The following LOC400499 variants were observed in gnomAD, a reference collection of about 807,000 sequenced individuals.
the LOC400499 span, among the ~76,000 whole-genome samples, chr16:11,479,581 C>G: frequency 6.6e-6 from 1 of 152,056 alleles, no homozygotes; most frequent in African/African-American, 2.4e-5. Context: ...TATGATCATG[C>G]CACTATACTC....
chr16:11,388,991 G>A, the LOC400499 span, among the ~76,000 whole-genome samples: 71 of 152,316 alleles, frequency 4.7e-4, no homozygotes, highest in Non-Finnish European at 7.4e-5. Context: ...AGAGGCTAAG[G>A]CAGGAGAATC....
chr16:11,459,939 A>G, the LOC400499 span: 1 of 1,501,934 alleles, frequency 6.7e-7, no homozygotes, highest in Non-Finnish European at 8.9e-7. Flanking sequence ...GTCATTCTTG[A>G]AGGTCTGGCT....
chr16:11,387,086 C>A, the LOC400499 span: 2 of 1,231,978 alleles, frequency 1.6e-6, no homozygotes, highest in Admixed American at 4.2e-5. Context: ...GGGAGGAGGG[C>A]GGCACAGCCC....
At chr16:11,404,172 A>C in the LOC400499 span, among the ~76,000 whole-genome samples, 3 of 152,122 alleles carry the variant, frequency 2.0e-5, no homozygotes, top group Non-Finnish European at 4.4e-5. Context: ...CCCACACCCC[A>C]CAAAGACCCT....
chr16:11,393,358 A>G, the LOC400499 span: 2 of 1,231,560 alleles, frequency 1.6e-6, no homozygotes, highest in East Asian at 3.2e-5. Flanking sequence ...GCCGTGGCCC[A>G]GCTAGCTGAG....
At chr16:11,448,030 G>A in the LOC400499 span, 1 of 1,535,982 alleles carries the variant, frequency 6.5e-7, no homozygotes, top group Non-Finnish European at 8.7e-7. Context: ...CTGGCCCTGG[G>A]CACCAATCCG....
the LOC400499 span, among the ~76,000 whole-genome samples, chr16:11,515,646 G>A: frequency 6.7e-6 from 1 of 149,026 alleles, no homozygotes; most frequent in African/African-American, 2.5e-5. Flanking sequence ...GAAGAGAGGA[G>A]GTAAAGGAAG....
the LOC400499 span, among the ~76,000 whole-genome samples, chr16:11,485,442 G>C: frequency 6.6e-6 from 1 of 152,148 alleles, no homozygotes; most frequent in Admixed American, 6.5e-5. Flanking sequence ...ATGAGGGCAA[G>C]GGCTCGTGTA....
the LOC400499 span, chr16:11,472,383 G>C: frequency 2.0e-5 from 3 of 151,894 alleles, no homozygotes; most frequent in Non-Finnish European, 4.4e-5. Context: ...AGTAAAGATG[G>C]GGTTTTACCA....
At chr16:11,505,107 T>C in the LOC400499 span, among the ~76,000 whole-genome samples, 7 of 151,294 alleles carry the variant, frequency 4.6e-5, no homozygotes, top group African/African-American at 1.5e-4. Flanking sequence ...CACCAGCTCC[T>C]GAACCCACAC....
chr16:11,398,465 C>T, the LOC400499 span: 139 of 1,232,278 alleles, frequency 1.1e-4, no homozygotes, highest in African/African-American at 1.7e-4. Context: ...CGTGCTCCAG[C>T]GTGGCCTCCA....
At chr16:11,388,747 A>T in the LOC400499 span, among the ~76,000 whole-genome samples, 2 of 152,312 alleles carry the variant, frequency 1.3e-5, no homozygotes, top group Middle Eastern at 3.4e-3. Context: ...AGGAACTCCC[A>T]GTCACATCCA....
At chr16:11,456,969 G>A in the LOC400499 span, 1 of 1,536,124 alleles carries the variant, frequency 6.5e-7, no homozygotes. Flanking sequence ...CTCCACATAG[G>A]GCAGGCGGAG....
chr16:11,464,349 G>A, the LOC400499 span, among the ~76,000 whole-genome samples: 16 of 152,222 alleles, frequency 1.1e-4, no homozygotes, highest in African/African-American at 3.1e-4. Context: ...TGCAGTGCTC[G>A]TCAGAGCTTC....
chr16:11,400,405 C>T, the LOC400499 span, among the ~76,000 whole-genome samples: 3 of 136,784 alleles, frequency 2.2e-5, no homozygotes, highest in Non-Finnish European at 3.2e-5. Flanking sequence ...GTTGCTGCCC[C>T]ACCCACCCAC....
At chr16:11,374,510 G>T in the LOC400499 span, among the ~76,000 whole-genome samples, 1 of 152,180 alleles carries the variant, frequency 6.6e-6, no homozygotes, top group African/African-American at 2.4e-5. Context: ...GCTCCCGGCA[G>T]CCACCACTGT....
chr16:11,489,724 G>A, the LOC400499 span, among the ~76,000 whole-genome samples: 1 of 152,318 alleles, frequency 6.6e-6, no homozygotes, highest in South Asian at 2.1e-4. Context: ...CTGAGGAGGG[G>A]TTTAGCACAC....
chr16:11,477,251 C>T, the LOC400499 span, among the ~76,000 whole-genome samples: 1 of 152,234 alleles, frequency 6.6e-6, no homozygotes, highest in African/African-American at 2.4e-5. Context: ...AGGCTCTTCA[C>T]GCCAGAGAGC....
At chr16:11,434,626 C>T in the LOC400499 span, among the ~76,000 whole-genome samples, 2 of 152,186 alleles carry the variant, frequency 1.3e-5, no homozygotes, top group East Asian at 3.8e-4. Context: ...AGGAGAGCAG[C>T]AGAAAAGAGT....
Sources: allele counts gnomAD v4.1 joint callset (sites outside exome capture counted in the v4.1 genomes callset), GRCh38; gene constraint gnomAD v4.1.1; transcripts MANE v1.5.